SEC16A: variants seen among roughly 807,000 people sequenced by gnomAD.
SEC16A encodes SEC16 homolog A, endoplasmic reticulum export factor.
SEC16A carries 110 observed loss-of-function variants against 221.9 expected under a neutral mutation model. The ratio of observed to expected loss-of-function variants is 0.50; its 90% CI spans 0.42 to 0.58. The LOEUF (loss-of-function observed/expected upper bound fraction) is 0.58, where lower values mean the gene tolerates loss of function less well. Among genes scored for constraint, SEC16A ranks in the 20% least tolerant of loss-of-function variants. The pLI, the probability that SEC16A is intolerant of heterozygous loss-of-function variation, is 0.00. For synonymous variants in SEC16A, 1,393 were observed against 1,257.7 expected (o/e 1.11, Z -2.28); for missense variants, 3,165 against 3,097.8 (o/e 1.02, Z -0.52).
rs377007560 is a variant in SEC16A, at chr9:136,477,007, G to A, written c.609C>T (p.Ser203=). 8 of 1,613,564 alleles carry A rather than the reference G, an allele frequency of 5.0e-6. No individual in the cohort carries two copies. The highest frequency in any genetic ancestry group is 1.6e-4 in the Middle Eastern group (1 of 6,062). ...DGVVTPAASP[S]LPQPGLQMPG... is the part of the protein sequence containing the mutation. ...GCATCTGCAGACCAGGCTGAGGGAG[G>A]GAAGGGGATGCTGCTGGGGTGACCA... The change falls in exon 3 of 32, where the codon TCC becomes TCT. Residue 203 remains serine (S), a synonymous_variant. Transcript: ENST00000684901.
chr9:136,445,028 G>T (rs1448035949), intron 30 of SEC16A, 24 bp downstream of exon 30: 7 of 1,595,772 alleles, frequency 4.4e-6, no homozygotes, highest in Non-Finnish European at 6.0e-6. Flanking sequence ...TCTCATGTTA[G>T]TGAGGACCAC....
intron 20 of SEC16A, among the ~76,000 whole-genome samples, chr9:136,455,377 A>G (rs1838484529): frequency 6.6e-6 from 1 of 152,148 alleles, no homozygotes; most frequent in Non-Finnish European, 1.5e-5. Context: ...ATTTATGGAC[A>G]TGGAAAGCCA....
rs1840911198 is a variant in SEC16A at position 136,471,843 on chromosome 9, A to G, written c.3704+132T>C. On this transcript the variant is annotated intron_variant, in intron 4 of 31. Transcript: ENST00000684901. ...TTGTCCATACCAAGAAAATGTCAAC[A>G]TATGTTAGATAAGTTTGTACAATTC... 9 of 1,087,032 alleles carry G rather than the reference A, an allele frequency of 8.3e-6. No individual in the cohort carries two copies. The South Asian group carries it at 1.0e-4, about 12-fold the overall frequency. The allele number at this position is 1,087,032 out of a possible 1,614,324, so 67.3% of individuals were successfully genotyped here.
chr9:136,483,313 C>T (rs1373352799), upstream of SEC16A, among the ~76,000 whole-genome samples: 55 of 132,658 alleles, frequency 4.1e-4, no homozygotes, highest in Non-Finnish European at 6.9e-4. Context: ...ACGCCTTATC[C>T]TGTAGTTCCC....
intron 31 of SEC16A, among the ~76,000 whole-genome samples, chr9:136,443,508 G>A (rs1471229055): frequency 6.6e-6 from 1 of 152,160 alleles, no homozygotes; most frequent in African/African-American, 2.4e-5. Flanking sequence ...AACAAGGTGA[G>A]ACCGTCTCTA....
Position 136,461,304 on chromosome 9 carries a change from G to T in SEC16A, c.4894-30C>A, listed in dbSNP as rs542588927. 10 of 1,508,220 alleles carry T rather than the reference G, an allele frequency of 6.6e-6. No homozygotes were observed. The African/African-American group carries it at 1.1e-4, about 17-fold the overall frequency. 93.4% of individuals were successfully genotyped at this position (1,508,220 alleles called of 1,614,324 possible). A position where few individuals can be genotyped will look rare whatever the true frequency, so the allele number is the denominator to read the frequency against. On this transcript the variant is annotated intron_variant, in intron 12 of 31. Transcript: ENST00000684901. The stretch of plus-strand genomic sequence containing the variant: ...AAAAGGCATTTCAGGGACCTTGGTG[G>T]GTTATCGGCGGCGCTCACGTGACAT...
At chr9:136,484,258 G>A (rs1449668215), upstream of SEC16A, 1 of 722,916 alleles carries the variant, frequency 1.4e-6, no homozygotes, top group Admixed American at 5.3e-5. Flanking sequence ...AGTGGGCCCG[G>A]GCGCTCGGGC....
Position 136,465,984 on chromosome 9 carries a change from G to A in SEC16A, c.4281C>T (p.Thr1427=), listed in dbSNP as rs776846982. 8.1e-6 allele frequency: 13 copies of A among 1,613,328 alleles called. No homozygotes were observed. The Admixed American group carries it at 8.3e-5, about 10-fold the overall frequency. The change falls in exon 8 of 32, where the codon ACC becomes ACT. Residue 1427 remains threonine, a synonymous_variant. Coordinates refer to ENST00000684901, the MANE Select transcript of SEC16A (RefSeq NM_014866.2). ...CACCTTGCTCCATGGCAGGCCAGAC[G>A]GTGTCGGCAGGGTAGCCATACTCTG... ...GFPEYGYPAD[T]VWPAMEQVSS...
intron 28 of SEC16A, 121 bp downstream of exon 28, chr9:136,446,734 A>T: frequency 9.9e-7 from 1 of 1,013,444 alleles, no homozygotes; most frequent in Non-Finnish European, 1.4e-6. Flanking sequence ...TGAGGCGTTT[A>T]AGGCGGAACA....
intron 12 of SEC16A, among the ~76,000 whole-genome samples, chr9:136,462,464 C>G (rs1412897264): frequency 6.6e-6 from 1 of 152,210 alleles, no homozygotes; most frequent in Non-Finnish European, 1.5e-5. Flanking sequence ...ATGGCCTTTC[C>G]ATGCACTGCG....
intron 29 of SEC16A, among the ~76,000 whole-genome samples, chr9:136,445,424 G>A (rs940174861): frequency 2.6e-5 from 4 of 152,194 alleles, no homozygotes; most frequent in African/African-American, 9.6e-5. Flanking sequence ...CGGGACTGAG[G>A]CGACAACTCA....
At chr9:136,467,797 T>C (rs143050908) in intron 5 of SEC16A, among the ~76,000 whole-genome samples, 23 of 152,334 alleles carry the variant, frequency 1.5e-4, no homozygotes, top group African/African-American at 5.1e-4. Context: ...TATTTGATAC[T>C]TGTCAAGGGG....
chr9:136,484,263 T>C, upstream of SEC16A: 2 of 794,994 alleles, frequency 2.5e-6, no homozygotes, highest in South Asian at 6.4e-5. Flanking sequence ...GCCCGGGCGC[T>C]CGGGCGGCCA....
rs772867748 is a variant in SEC16A at position 136,457,484 on chromosome 9, G to A, written c.5510C>T (p.Pro1837Leu). The A allele has an allele frequency of 1.2e-5, 19 of 1,607,954 alleles. No homozygotes were observed. The highest frequency in any genetic ancestry group is 6.7e-5 in the African/African-American group (5 of 74,808). The stretch of plus-strand genomic sequence containing the variant: ...GATCAACACCGGGGAATACAGGTGC[G>A]GCTGCGTCAGGATGCTCTTCGCGAT... The part of the protein sequence containing the change: ...EAIAKSILTQ[P>L]HLYSPVLISQ... The change falls in exon 18 of 32, where the codon CCG (proline) becomes CTG (leucine). Residue 1837 changes from proline (P) to leucine (L), a missense_variant. Pro to Leu is a moderately conservative substitution (Grantham distance 98). This residue lies in a region of SEC16A where 1,088 missense variants were observed against 1,089.6 expected (regional missense o/e 1.00). Transcript: ENST00000684901.
chr9:136,447,646 G>A lies in SEC16A; in HGVS notation c.6482C>T (p.Pro2161Leu). ...AGGCGGGGCAGCTTGCACAGTCTTG[G>A]GCATCGAGGTTGGAGGTGGGGGCGG... ...KAPPPPPTSM[P>L]KTVQAAPPAL... The change falls in exon 26 of 32, where the codon CCC becomes CTC. Residue 2161 changes from proline (P) to leucine (L), a missense_variant. Physicochemically the swap from Pro to Leu is moderately conservative, Grantham distance 98. Coordinates refer to ENST00000684901, the MANE Select transcript of SEC16A (RefSeq NM_014866.2). The surrounding 1 kb of genome is among the most constrained non-coding windows in gnomAD (Gnocchi z 5.5). 1 of 1,613,564 alleles carries A rather than the reference G, an allele frequency of 6.2e-7. No homozygotes were observed. The highest frequency in any genetic ancestry group is 8.5e-7 in the Non-Finnish European group (1 of 1,179,622).
In SEC16A at chr9:136,475,880, G is replaced by A; in HGVS notation, c.1736C>T (p.Thr579Ile). 6.2e-7 allele frequency: 1 copy of A among 1,603,940 alleles called. No individual in the cohort carries two copies. ...GCTGCCACGGTAATTCTGGCTCACA[G>A]TGGTCTCGTCTGTTTCACCTCCTAC... ...SPVGGETDET[T>I]VSQNYRGSVS... is the part of the protein sequence containing the mutation. Residue 579 changes from threonine (T) to isoleucine (I), a missense_variant, in exon 3 of 32, where the codon ACT becomes ATT. Physicochemically the swap from Thr to Ile is moderately conservative, Grantham distance 89. Around this residue, in one of 3 missense-constraint regions of SEC16A, gnomAD observed 2,030 missense variants for 1,923.1 expected, o/e 1.06. Transcript: ENST00000684901. This position sits in a 1 kb window ranked among gnomAD's most constrained non-coding sequence, Gnocchi z 5.0.
chr9:136,461,173 G>A lies in SEC16A; in HGVS notation c.4991+4C>T. 1 of 1,598,538 alleles carries A rather than the reference G, an allele frequency of 6.3e-7. No individual in the cohort carries two copies. Among genetic ancestry groups the A allele is most frequent in the Non-Finnish European group, 8.5e-7 (1 of 1,172,130 alleles). ...CACTGGACCAGGCCACTGTGGGACT[G>A]TACCTGGTCATGACTCGGGCGTGTG... On this transcript the variant is annotated splice_donor_region_variant and intron_variant, in intron 13 of 31. Transcript: ENST00000684901.
intron 21 of SEC16A, 95 bp from the exon 22 acceptor site, chr9:136,453,605 C>T (rs1029049245): frequency 1.0e-5 from 9 of 898,432 alleles, no homozygotes; most frequent in Middle Eastern, 2.3e-4. Flanking sequence ...CCTTCCCACC[C>T]AGCTACCGCC....
chr9:136,448,545 G>C (rs909405494), intron 23 of SEC16A: 9 of 695,680 alleles, frequency 1.3e-5, no homozygotes, highest in Non-Finnish European at 2.4e-5. Flanking sequence ...GATCCACAGA[G>C]ACGCCAGGAG....
Sources: gnomAD v4.1 joint callset for allele counts (sites outside exome capture counted in the v4.1 genomes callset) on GRCh38, gnomAD v4.1.1 for gene constraint, gnomAD v4.1.1 regional missense constraint, Gnocchi (gnomAD v3.1) non-coding constraint, MANE v1.5 for transcripts, NCBI Gene and HGNC (gene_info 2026-07-23, HGNC 2026-07-21) for gene names.